EXOC4: variants seen among roughly 807,000 people sequenced by gnomAD.
EXOC4 encodes the protein SEC8-like 1.
Under a neutral mutation model 107.2 loss-of-function variants are expected in EXOC4, and 71 were observed. The ratio of observed to expected loss-of-function variants is 0.66; its 90% CI spans 0.55 to 0.81. The LOEUF (loss-of-function observed/expected upper bound fraction) is 0.81. Among genes scored for constraint, EXOC4 ranks in the 30% least tolerant of loss-of-function variants. The pLI, the probability that EXOC4 is intolerant of heterozygous loss-of-function variation, is 0.00. For missense variants in EXOC4, 1,108 were observed against 1,189.6 expected, an observed-to-expected ratio of 0.93 and a Z score of 1.01; for synonymous variants, 456 against 441.2, an observed-to-expected ratio of 1.03 and a Z score of -0.42.
chr7:133,356,538 G>A lies in EXOC4; in HGVS notation c.972G>A (p.Gln324=), dbSNP rs2150658174. Residue 324 remains glutamine, a synonymous_variant, in exon 6 of 18, where the codon CAG becomes CAA. Coordinates refer to ENST00000253861, the MANE Select transcript of EXOC4 (RefSeq NM_021807.4). ...CCCAGGTGGCAGACAGTGGCTATCA[G>A]CGGGGGGAGAACGTTACTGTGGAGA... is the stretch of plus-strand genomic sequence containing the variant. ...STTQVADSGY[Q]RGENVTVENQ... The A allele has an allele frequency of 6.2e-7, 1 of 1,614,052 alleles. No individual in the cohort carries two copies. Among genetic ancestry groups the A allele is most frequent in the Non-Finnish European group, 8.5e-7 (1 of 1,179,954 alleles).
intron 13 of EXOC4, chr7:133,930,335 A>C (rs555235776): frequency 6.6e-6 from 1 of 152,326 alleles, no homozygotes; most frequent in South Asian, 2.1e-4. Flanking sequence ...TCTATGAAGC[A>C]AAGTTAGTGG....
At chr7:133,317,414 C>T in intron 5 of EXOC4, 24 bp downstream of exon 5, 2 of 1,495,564 alleles carry the variant, frequency 1.3e-6, no homozygotes, top group Non-Finnish European at 9.3e-7. Flanking sequence ...TCTTCAGCCA[C>T]TAAGCTTTTT....
chr7:133,975,774 A>G (rs1793818805), intron 14 of EXOC4, among the ~76,000 whole-genome samples: 1 of 152,006 alleles, frequency 6.6e-6, no homozygotes, highest in African/African-American at 2.4e-5. Flanking sequence ...CACACACGCT[A>G]TTCACTTTCA....
chr7:134,097,363 T>A, the EXOC4 span, among the ~76,000 whole-genome samples: 1 of 151,948 alleles, frequency 6.6e-6, no homozygotes, highest in Non-Finnish European at 1.5e-5. Context: ...AGAGTATTCC[T>A]GTTACAGATA....
intron 5 of EXOC4, among the ~76,000 whole-genome samples, chr7:133,328,315 G>T (rs1795297283): frequency 6.6e-6 from 1 of 151,664 alleles, no homozygotes; most frequent in African/African-American, 2.4e-5. Flanking sequence ...TTGAGCCTAT[G>T]TGTGTCTTTG....
chr7:134,023,347 G>C (rs1795068711), intron 17 of EXOC4, among the ~76,000 whole-genome samples: 1 of 152,110 alleles, frequency 6.6e-6, no homozygotes, highest in South Asian at 2.1e-4. Flanking sequence ...CTGCATCGTA[G>C]AGTATTTATA....
chr7:133,781,675 C>T (rs766752819), intron 10 of EXOC4, among the ~76,000 whole-genome samples: 2 of 152,184 alleles, frequency 1.3e-5, no homozygotes, highest in Admixed American at 1.3e-4. Context: ...GATATGTCCC[C>T]AGAGAGTCTG....
the EXOC4 span, among the ~76,000 whole-genome samples, chr7:134,086,345 T>C: frequency 6.6e-6 from 1 of 152,190 alleles, no homozygotes. Flanking sequence ...ACAGTTGACC[T>C]CATGTGACAG....
At chr7:133,599,562 T>C (rs2150985700) in intron 9 of EXOC4, among the ~76,000 whole-genome samples, 1 of 152,350 alleles carries the variant, frequency 6.6e-6, no homozygotes, top group African/African-American at 2.4e-5. Context: ...GAATATGATG[T>C]ATCATTGCCT....
intron 10 of EXOC4, among the ~76,000 whole-genome samples, chr7:133,636,997 T>G (rs1288832464): frequency 1.3e-5 from 2 of 152,222 alleles, no homozygotes; most frequent in Non-Finnish European, 2.9e-5. Context: ...ATGTTACATG[T>G]AGAAATCGCC....
intron 2 of EXOC4, among the ~76,000 whole-genome samples, chr7:133,286,629 A>G (rs959307292): frequency 2.6e-5 from 4 of 152,194 alleles, no homozygotes; most frequent in Non-Finnish European, 5.9e-5. Flanking sequence ...TGAAACCTCA[A>G]ATGTCACTAT....
chr7:133,600,162 G>A (rs1036328436), intron 9 of EXOC4, among the ~76,000 whole-genome samples: 1 of 151,986 alleles, frequency 6.6e-6, no homozygotes, highest in South Asian at 2.1e-4. Context: ...TTGGCCTCCC[G>A]AAGTGCTGAG....
chr7:133,488,362 A>G lies in EXOC4; in HGVS notation c.1417+8224A>G, dbSNP rs369888172. 1.1e-3 allele frequency among the ~76,000 whole-genome samples: 169 copies of G among 152,308 alleles called. 1 individual carries two copies. The highest frequency in any genetic ancestry group is 3.8e-3 in the African/African-American group (160 of 41,566). On this transcript the variant is annotated intron_variant, in intron 9 of 17. Coordinates refer to ENST00000253861, the MANE Select transcript of EXOC4 (RefSeq NM_021807.4). ...CTTATTTCACAGTTCAAGGTAGACA[A>G]CAGGTAAAAGTGGAGATAGTTTAAC...
intron 11 of EXOC4, among the ~76,000 whole-genome samples, chr7:133,826,467 T>C (rs1797704945): frequency 6.6e-6 from 1 of 152,204 alleles, no homozygotes; most frequent in Admixed American, 6.5e-5. Flanking sequence ...TTGTCTTGTC[T>C]GAGCTTCCCC....
chr7:133,386,151 T>C (rs938055220), intron 7 of EXOC4, among the ~76,000 whole-genome samples: 32 of 152,218 alleles, frequency 2.1e-4, no homozygotes, highest in Admixed American at 2.0e-3. Flanking sequence ...ATACCAAATA[T>C]TTTGATAAAG....
intron 14 of EXOC4, among the ~76,000 whole-genome samples, chr7:133,970,006 A>C (rs1432196280): frequency 1.3e-5 from 2 of 152,170 alleles, no homozygotes; most frequent in African/African-American, 2.4e-5. Flanking sequence ...TAAGCCCCTG[A>C]CTGGGGCTGC....
chr7:133,618,168 C>G (rs1802241212), intron 9 of EXOC4, among the ~76,000 whole-genome samples: 1 of 151,658 alleles, frequency 6.6e-6, no homozygotes, highest in African/African-American at 2.4e-5. Flanking sequence ...CCTTTTATAC[C>G]TTTTTCTTGC....
At chr7:133,788,878 A>G (rs1024465918) in intron 10 of EXOC4, among the ~76,000 whole-genome samples, 1 of 152,088 alleles carries the variant, frequency 6.6e-6, no homozygotes, top group African/African-American at 2.4e-5. Context: ...GGAGAATCTG[A>G]CTTTTTCTAG....
intron 9 of EXOC4, among the ~76,000 whole-genome samples, chr7:133,565,789 G>A (rs1401374475): frequency 6.6e-6 from 1 of 152,176 alleles, no homozygotes; most frequent in Non-Finnish European, 1.5e-5. Flanking sequence ...GGGTGGGGCA[G>A]TTTGAATTGG....
Sources: gnomAD v4.1 joint callset for allele counts (sites outside exome capture counted in the v4.1 genomes callset) on GRCh38, gnomAD v4.1.1 for gene constraint, MANE v1.5 for transcripts, NCBI Gene and HGNC (gene_info 2026-07-23, HGNC 2026-07-21) for gene names.